The following SLC24A2 variants were observed in gnomAD, a reference collection of about 807,000 sequenced individuals.
The protein encoded by SLC24A2 is sodium/potassium/calcium exchanger 2.
Under a neutral mutation model 62.0 loss-of-function variants are expected in SLC24A2, and 36 were observed. The ratio of observed to expected loss-of-function variants is 0.58; its 90% confidence interval spans 0.44 to 0.77. SLC24A2 has a LOEUF of 0.77. Among genes scored for constraint, SLC24A2 ranks in the 30% least tolerant of loss-of-function variants. The pLI is 0.00. For synonymous variants in SLC24A2, 358 were observed against 294.0 expected, an observed-to-expected ratio of 1.22 and a Z score of -2.23; for missense variants, 846 against 817.9, an observed-to-expected ratio of 1.03 and a Z score of -0.42.
At chr9:20,152,709 A>G in the SLC24A2 span, among the ~76,000 whole-genome samples, 3 of 151,734 alleles carry the variant, frequency 2.0e-5, 1 homozygote, top group Admixed American at 6.6e-5. Flanking sequence ...AAGCAAGTAC[A>G]CCCCAAATAA....
At chr9:20,090,693 A>G in the SLC24A2 span, among the ~76,000 whole-genome samples, 1 of 152,162 alleles carries the variant, frequency 6.6e-6, no homozygotes, top group Admixed American at 6.5e-5. Context: ...TCAAGAAAAG[A>G]AGCCTACTGA....
chr9:19,908,784 A>G, the SLC24A2 span, among the ~76,000 whole-genome samples: 3 of 152,242 alleles, frequency 2.0e-5, no homozygotes, highest in Non-Finnish European at 2.9e-5. Flanking sequence ...ACACTGAGAT[A>G]CCATCTCATA....
the SLC24A2 span, among the ~76,000 whole-genome samples, chr9:19,944,722 A>G: frequency 1.3e-5 from 2 of 151,546 alleles, no homozygotes; most frequent in African/African-American, 4.9e-5. Context: ...TCATTCCAGT[A>G]TAATGCGCAT....
At chr9:20,195,056 T>C in the SLC24A2 span, among the ~76,000 whole-genome samples, 1 of 152,210 alleles carries the variant, frequency 6.6e-6, no homozygotes, top group African/African-American at 2.4e-5. Flanking sequence ...GTTCTTTTTG[T>C]CTCAGTTTTC....
intron 2 of SLC24A2, among the ~76,000 whole-genome samples, chr9:19,708,256 G>A (rs527799922): frequency 6.6e-6 from 1 of 152,132 alleles, no homozygotes; most frequent in African/African-American, 2.4e-5. Context: ...AAATAAAAGA[G>A]GATACAAACA....
the SLC24A2 span, among the ~76,000 whole-genome samples, chr9:20,301,155 G>C: frequency 6.6e-6 from 1 of 152,168 alleles, no homozygotes; most frequent in Non-Finnish European, 1.5e-5. Context: ...CACACACTTT[G>C]CTCTACCTCC....
chr9:20,156,349 T>C, the SLC24A2 span, among the ~76,000 whole-genome samples: 1 of 151,742 alleles, frequency 6.6e-6, no homozygotes, highest in Non-Finnish European at 1.5e-5. Context: ...TGGGAAGCAT[T>C]TGATTCTGGG....
At chr9:19,798,878 T>TA in the SLC24A2 span, among the ~76,000 whole-genome samples, 1 of 152,208 alleles carries the variant, frequency 6.6e-6, no homozygotes, top group Non-Finnish European at 1.5e-5. Flanking sequence ...TATTTCTGGT[T>TA]AAAAAATGTG....
At chr9:19,726,667 C>T (rs1224431546) in intron 2 of SLC24A2, among the ~76,000 whole-genome samples, 1 of 152,156 alleles carries the variant, frequency 6.6e-6, no homozygotes, top group Non-Finnish European at 1.5e-5. Flanking sequence ...ATATCCTCTA[C>T]TTGTCATGCA....
At chr9:19,772,787 T>A (rs528023671) in intron 2 of SLC24A2, among the ~76,000 whole-genome samples, 1 of 152,296 alleles carries the variant, frequency 6.6e-6, no homozygotes, top group Non-Finnish European at 1.5e-5. Flanking sequence ...CAGTTGGCAG[T>A]TCCTCAAAAT....
chr9:19,697,605 C>T (rs1364228903), intron 2 of SLC24A2, among the ~76,000 whole-genome samples: 2 of 152,074 alleles, frequency 1.3e-5, no homozygotes, highest in East Asian at 1.9e-4. Context: ...ATTTTAATTT[C>T]CTTACACTGG....
At chr9:19,675,146 G>T (rs1468020232) in intron 2 of SLC24A2, among the ~76,000 whole-genome samples, 2 of 152,176 alleles carry the variant, frequency 1.3e-5, no homozygotes, top group Non-Finnish European at 2.9e-5. Context: ...TAGCCACCCA[G>T]TGGAGCTACT....
the SLC24A2 span, among the ~76,000 whole-genome samples, chr9:19,901,239 TATA>T: frequency 3.3e-5 from 5 of 152,170 alleles, no homozygotes; most frequent in African/African-American, 1.2e-4. Context: ...GTTTACAAGA[TATA>T]ATGATGGCAC....
chr9:19,597,773 T>C (rs1378958292), intron 4 of SLC24A2, among the ~76,000 whole-genome samples: 1 of 152,148 alleles, frequency 6.6e-6, no homozygotes. Context: ...CCTAGGAAAA[T>C]CTAACATGAA....
At chr9:19,544,279 G>A (rs1048690688) in intron 8 of SLC24A2, among the ~76,000 whole-genome samples, 1 of 44,396 alleles carries the variant, frequency 2.3e-5, no homozygotes, top group African/African-American at 8.3e-5. Context: ...CTTTCTATTT[G>A]CTTGGTAAAT....
intron 7 of SLC24A2, among the ~76,000 whole-genome samples, chr9:19,567,082 C>T (rs778256488): frequency 3.3e-5 from 5 of 150,062 alleles, no homozygotes; most frequent in Non-Finnish European, 5.9e-5. Context: ...ACGTTGTGCA[C>T]ATGTACCCTA....
the SLC24A2 span, among the ~76,000 whole-genome samples, chr9:20,240,971 T>C: frequency 2.6e-5 from 4 of 152,206 alleles, no homozygotes; most frequent in Admixed American, 2.6e-4. Context: ...TCAGGAGTCT[T>C]AACTTCATAA....
chr9:20,208,638 A>G, the SLC24A2 span, among the ~76,000 whole-genome samples: 5 of 152,200 alleles, frequency 3.3e-5, no homozygotes, highest in African/African-American at 1.2e-4. Context: ...CCCCTCAGAG[A>G]AATTTGCTGG....
chr9:20,059,147 G>A, the SLC24A2 span, among the ~76,000 whole-genome samples: 2 of 152,312 alleles, frequency 1.3e-5, no homozygotes, highest in African/African-American at 4.8e-5. Context: ...CTTTACAGAT[G>A]TGATTAAGAA....
Sources: gnomAD v4.1 joint callset for allele counts (sites outside exome capture counted in the v4.1 genomes callset) on GRCh38, gnomAD v4.1.1 for gene constraint, MANE v1.5 for transcripts, NCBI Gene and HGNC (gene_info 2026-07-23, HGNC 2026-07-21) for gene names.